Variants in ALDH2 observed in about 807,000 individuals in gnomAD.
ALDH2 encodes aldehyde dehydrogenase 2 family member, also known as aldehyde dehydrogenase, mitochondrial.
A neutral mutation model predicts 59.6 loss-of-function variants in ALDH2; 44 were observed. The ratio of observed to expected loss-of-function variants is 0.74; its 90% CI spans 0.58 to 0.95. ALDH2 has a LOEUF of 0.95. Among genes scored for constraint, ALDH2 ranks in the 40% least tolerant of loss-of-function variants. The probability of loss-of-function intolerance (pLI) is 0.00; values close to 1 mark genes in which losing one functional copy is unlikely to be tolerated. For synonymous variants in ALDH2, 291 were observed against 284.0 expected, an observed-to-expected ratio of 1.02 and a Z score of -0.25; for missense variants, 570 against 696.3, an observed-to-expected ratio of 0.82 and a Z score of 2.04.
At chr12:111,778,632 G>A (rs1009558833) in intron 1 of ALDH2, among the ~76,000 whole-genome samples, 3 of 151,188 alleles carry the variant, frequency 2.0e-5, no homozygotes, top group Non-Finnish European at 4.4e-5. Flanking sequence ...AGGAGATTGA[G>A]ACCATCTTGG....
intron 12 of ALDH2, among the ~76,000 whole-genome samples, chr12:111,804,774 A>G (rs2068481385): frequency 6.6e-6 from 1 of 151,992 alleles, no homozygotes; most frequent in South Asian, 2.1e-4. Flanking sequence ...AAAAGAAAAA[A>G]GAATTAGCTA....
At chr12:111,775,353 A>G (rs2068227341) in intron 1 of ALDH2, among the ~76,000 whole-genome samples, 1 of 151,996 alleles carries the variant, frequency 6.6e-6, no homozygotes, top group Non-Finnish European at 1.5e-5. Context: ...TCAGCTGGCC[A>G]AGCCTCCTCC....
intron 5 of ALDH2, among the ~76,000 whole-genome samples, chr12:111,790,221 A>C (rs2068346779): frequency 6.6e-6 from 1 of 152,308 alleles, no homozygotes; most frequent in Admixed American, 6.5e-5. Flanking sequence ...GGTGTCACGG[A>C]CATAAAAGCA....
At chr12:111,791,243 C>A in intron 6 of ALDH2, 63 bp from the exon 7 acceptor site, 1 of 1,264,118 alleles carries the variant, frequency 7.9e-7, no homozygotes. Flanking sequence ...ATGTGTCTTC[C>A]CCTGGTTGAG....
chr12:111,779,415 C>T (rs542150554), intron 1 of ALDH2, among the ~76,000 whole-genome samples: 9 of 152,180 alleles, frequency 5.9e-5, no homozygotes, highest in Non-Finnish European at 1.5e-5. Flanking sequence ...GTCTCAAATT[C>T]CTGAGCTCAA....
Position 111,783,312 on chromosome 12 carries a change from C to G in ALDH2, c.360+14C>G, listed in dbSNP as rs1203587599. Reference sequence around the variant, plus strand: ...ACCTACCTGGCGGTGAGTCCTCAGCCCTTCTCCCCCTCAGATCCCATGTGG... The same window carrying G: ...ACCTACCTGGCGGTGAGTCCTCAGCGCTTCTCCCCCTCAGATCCCATGTGG... On this transcript the variant is annotated intron_variant, in intron 3 of 12. Coordinates refer to ENST00000261733, the MANE Select transcript of ALDH2 (RefSeq NM_000690.4). The G allele has an allele frequency of 1.9e-6, 3 of 1,590,258 alleles. No homozygotes were observed. The highest frequency in any genetic ancestry group is 1.1e-5 in the South Asian group (1 of 88,908).
At chr12:111,804,217 G>A (rs1051750394) in intron 12 of ALDH2, among the ~76,000 whole-genome samples, 1 of 152,144 alleles carries the variant, frequency 6.6e-6, no homozygotes, top group Non-Finnish European at 1.5e-5. Flanking sequence ...GGCCATCAGT[G>A]TTTCCTACTA....
chr12:111,786,925 C>T (rs1488353146), intron 4 of ALDH2, among the ~76,000 whole-genome samples: 2 of 152,114 alleles, frequency 1.3e-5, no homozygotes, highest in Non-Finnish European at 2.9e-5. Flanking sequence ...TTCACTGAGG[C>T]CAGGCACAGT....
At position 111,817,313 on chromosome 12, in the gene ALDH2, A is replaced by G. The variant is rs2068575023; in HGVS notation, c.*7738A>G. 6.6e-6 allele frequency: 1 copy of G among 152,226 alleles called. No individual in the cohort carries two copies. Among genetic ancestry groups the G allele is most frequent in the Admixed American group, 6.5e-5 (1 of 15,284 alleles). The allele number at this position is 152,226 out of a possible 1,614,324, so 9.4% of individuals were successfully genotyped here. On this transcript the variant is annotated 3_prime_UTR_variant, in exon 13 of 13. Coordinates refer to ENST00000261733, the MANE Select transcript of ALDH2 (RefSeq NM_000690.4). ...GAAGATGTTTCATGAAGTGCAAAGC[A>G]GGTGTGGTAGCCCAAGGCTGGGACA... is the stretch of plus-strand genomic sequence containing the variant.
At chr12:111,786,980 G>A (rs2068315209) in intron 4 of ALDH2, among the ~76,000 whole-genome samples, 1 of 152,078 alleles carries the variant, frequency 6.6e-6, no homozygotes, top group South Asian at 2.1e-4. Context: ...TGAGGCGGGT[G>A]GATCATTTGA....
At chr12:111,800,926 C>T (rs1319327327) in intron 11 of ALDH2, among the ~76,000 whole-genome samples, 5 of 152,152 alleles carry the variant, frequency 3.3e-5, no homozygotes, top group South Asian at 2.1e-4. Context: ...CCCAAATGTC[C>T]GTCTGTAGAT....
chr12:111,789,051 T>G (rs557590013), intron 4 of ALDH2, among the ~76,000 whole-genome samples: 11 of 141,634 alleles, frequency 7.8e-5, no homozygotes, highest in African/African-American at 2.9e-4. Context: ...AGAGTCTCGC[T>G]CTGTTGCCCA....
At position 111,772,777 on chromosome 12, in the gene ALDH2, G is replaced by A. The variant is rs115840215; in HGVS notation, c.114+5681G>A. 5.9e-3 allele frequency among the ~76,000 whole-genome samples: 891 copies of A among 150,576 alleles called. 11 individuals are homozygous for A. The highest frequency in any genetic ancestry group is 0.02 in the African/African-American group (837 of 41,028). Reference sequence around the variant, plus strand: ...CAACCTCAAACTCTTGGGCTGAAGCGATCCTCCTGCGTCAGCCACTAGAGG... The same window carrying A: ...CAACCTCAAACTCTTGGGCTGAAGCAATCCTCCTGCGTCAGCCACTAGAGG... On this transcript the variant is annotated intron_variant, in intron 1 of 12. Transcript: ENST00000261733.
chr12:111,803,267 AT>A (rs1336273102), intron 11 of ALDH2, among the ~76,000 whole-genome samples: 3 of 150,342 alleles, frequency 2.0e-5, no homozygotes, highest in African/African-American at 7.4e-5. Flanking sequence ...AAATTTAATA[AT>A]TTTTTTAAAT....
At chr12:111,792,007 T>C in intron 7 of ALDH2, 54 bp from the exon 8 acceptor site, 7 of 1,138,642 alleles carry the variant, frequency 6.1e-6, no homozygotes, top group Non-Finnish European at 8.0e-6. Flanking sequence ...TATAGAGTGC[T>C]GGACTCTTTT....
At chr12:111,788,025 C>A (rs1351964764) in intron 4 of ALDH2, among the ~76,000 whole-genome samples, 2 of 145,732 alleles carry the variant, frequency 1.4e-5, no homozygotes, top group Non-Finnish European at 3.0e-5. Context: ...GGCAACAGAG[C>A]GAGACTCTGT....
At chr12:111,774,990 G>T (rs997119405) in intron 1 of ALDH2, among the ~76,000 whole-genome samples, 5 of 152,230 alleles carry the variant, frequency 3.3e-5, no homozygotes, top group Non-Finnish European at 7.3e-5. Context: ...CACAGCTGTT[G>T]CTGGAATGGC....
chr12:111,805,435 G>A (rs1028627653), intron 12 of ALDH2, among the ~76,000 whole-genome samples: 3 of 151,842 alleles, frequency 2.0e-5, no homozygotes, highest in Admixed American at 6.6e-5. Flanking sequence ...AGTGATCCTC[G>A]CATCTCAGTC....
rs372948453 is a variant in ALDH2, at chr12:111,767,032, T to G, written c.50T>G (p.Leu17Trp). 2.0e-6 allele frequency: 3 copies of G among 1,526,564 alleles called. No individual in the cohort carries two copies. Among genetic ancestry groups the G allele is most frequent in the East Asian group, 2.5e-5 (1 of 39,222 alleles). 94.6% of individuals were successfully genotyped at this position (1,526,564 alleles called of 1,614,324 possible). ...GGGCCCCGCCTGGGCCGCCGCCTCT[T>G]GTCAGCCGCCGCCACCCAGGCCGTG... ...RFGPRLGRRLLSAAATQAVPA... is the reference protein window; with the variant it reads ...RFGPRLGRRLWSAAATQAVPA... Residue 17 changes from leucine to tryptophan, a missense_variant, in exon 1 of 13, where the codon TTG becomes TGG. Coordinates refer to ENST00000261733, the MANE Select transcript of ALDH2 (RefSeq NM_000690.4).
Sources: allele counts gnomAD v4.1 joint callset (sites outside exome capture counted in the v4.1 genomes callset), GRCh38; gene constraint gnomAD v4.1.1; transcripts MANE v1.5; gene names NCBI Gene and HGNC (gene_info 2026-07-23, HGNC 2026-07-21).